The following CELSR2 variants were observed in gnomAD, a reference collection of about 807,000 sequenced individuals.
The protein encoded by CELSR2 is EGF-like protein 2.
A neutral mutation model predicts 251.6 loss-of-function variants in CELSR2; 81 were observed. That is an observed-to-expected ratio of 0.32 (90% CI 0.27 to 0.39). CELSR2 has a LOEUF of 0.39. CELSR2 is among the 10% of genes least tolerant of loss of function. CELSR2 has a pLI of 1.00. For missense variants in CELSR2, 3,365 were observed against 3,947.7 expected (o/e 0.85, Z 3.96); for synonymous variants, 1,721 against 1,670.5 (o/e 1.03, Z -0.74).
chr1:109,261,695 C>G lies in CELSR2; in HGVS notation c.4297+67C>G. The G allele has an allele frequency of 6.4e-7, 1 of 1,556,468 alleles. No homozygotes were observed. The highest frequency in any genetic ancestry group is 8.8e-7 in the Non-Finnish European group (1 of 1,130,434). Reference sequence around the variant, plus strand: ...CCCCAAGTCTTCCAGCCCCTGACCCCAAGCCACATACTCTATCAGCCAAAT... The same window carrying G: ...CCCCAAGTCTTCCAGCCCCTGACCCGAAGCCACATACTCTATCAGCCAAAT... On this transcript the variant is annotated intron_variant, in intron 4 of 33. Coordinates refer to ENST00000271332, the MANE Select transcript of CELSR2 (RefSeq NM_001408.3). This position sits in a 1 kb window ranked among gnomAD's most constrained non-coding sequence, Gnocchi z 4.8.
At chr1:109,258,058 A>AG (rs1367092076) in intron 1 of CELSR2, among the ~76,000 whole-genome samples, 3 of 152,010 alleles carry the variant, frequency 2.0e-5, no homozygotes, top group Non-Finnish European at 4.4e-5. Context: ...CTGAGGGGGC[A>AG]GGGGGATGAT....
chr1:109,270,464 G>A lies in CELSR2; in HGVS notation c.7347G>A (p.Leu2449=). Residue 2449 remains leucine, a synonymous_variant, in exon 24 of 34, where the codon CTG becomes CTA. Coordinates refer to ENST00000271332, the MANE Select transcript of CELSR2 (RefSeq NM_001408.3). ...TCATTGCCATCCTGCTGCACTTCCT[G>A]TACCTCTGCACCTTTTCCTGGGCTC... The part of the protein sequence containing the change: ...CTVIAILLHF[L]YLCTFSWALL... The A allele has an allele frequency of 6.2e-7, 1 of 1,614,212 alleles. No individual in the cohort carries two copies. The highest frequency in any genetic ancestry group is 8.5e-7 in the Non-Finnish European group (1 of 1,180,044).
At position 109,267,973 on chromosome 1, in the gene CELSR2, C is replaced by T; in HGVS notation, c.6231C>T (p.Ala2077=). The change falls in exon 17 of 34, where the codon GCC becomes GCT. Residue 2077 remains alanine, a synonymous_variant. Coordinates refer to ENST00000271332, the MANE Select transcript of CELSR2 (RefSeq NM_001408.3). ...ACTTCGGCAGCGACGTCAAGGTGGC[C>T]TACCAGCTGGCCACGCGGCTGCTGG... The part of the protein sequence containing the change: ...AGYFGSDVKV[A]YQLATRLLAH... 1 of 1,611,418 alleles carries T rather than the reference C, an allele frequency of 6.2e-7. No homozygotes were observed. Among genetic ancestry groups the T allele is most frequent in the South Asian group, 1.1e-5 (1 of 91,042 alleles).
chr1:109,266,299 C>T (rs372784626), intron 15 of CELSR2, 93 bp downstream of exon 15: 1 of 1,477,984 alleles, frequency 6.8e-7, no homozygotes. Flanking sequence ...GATCCGGGGA[C>T]CCCACTTTCT....
intron 24 of CELSR2, 162 bp from the exon 25 acceptor site, chr1:109,270,765 C>T (rs566766799): frequency 3.3e-5 from 34 of 1,026,178 alleles, no homozygotes; most frequent in Non-Finnish European, 4.2e-5. Flanking sequence ...CAGCCGCCAC[C>T]CAGGCGTCAC....
intron 5 of CELSR2, 144 bp downstream of exon 5, chr1:109,262,040 C>T (rs1033969669): frequency 2.8e-5 from 30 of 1,057,598 alleles, no homozygotes; most frequent in South Asian, 6.1e-5. Flanking sequence ...GAAGGTGCCA[C>T]CTTGCTGGGC....
At chr1:109,266,521 T>A (rs1656195215) in intron 15 of CELSR2, 1 of 204,754 alleles carries the variant, frequency 4.9e-6, no homozygotes, top group African/African-American at 2.3e-5. Flanking sequence ...TCAAGCAATT[T>A]TCCTGCCTAA....
In CELSR2 at chr1:109,250,358, G is replaced by T. The variant is rs746054404; in HGVS notation, c.279G>T (p.Trp93Cys). 1 of 1,613,518 alleles carries T rather than the reference G, an allele frequency of 6.2e-7. No individual in the cohort carries two copies. Among genetic ancestry groups the T allele is most frequent in the South Asian group, 1.1e-5 (1 of 91,088 alleles). The change falls in exon 1 of 34, where the codon TGG (tryptophan) becomes TGT (cysteine). Residue 93 changes from tryptophan to cysteine, a missense_variant. By Grantham distance (215) the Trp-to-Cys change is radical. Transcript: ENST00000271332. This position sits in a 1 kb window ranked among gnomAD's most constrained non-coding sequence, Gnocchi z 4.4. ...CCCACCACGATGGCCTGAGGGTTTG[G>T]TGTCCAGAATCCGAGGCCCATATTC... ...LVPHHDGLRV[W>C]CPESEAHIPL... is the part of the protein sequence containing the mutation.
chr1:109,257,379 C>T (rs1387155433), intron 1 of CELSR2, among the ~76,000 whole-genome samples: 2 of 150,960 alleles, frequency 1.3e-5, no homozygotes, highest in African/African-American at 4.9e-5. Flanking sequence ...ACTATCCCTT[C>T]TTGCCCTGTA....
chr1:109,257,757 G>A (rs1655898053), intron 1 of CELSR2, among the ~76,000 whole-genome samples: 1 of 152,212 alleles, frequency 6.6e-6, no homozygotes, highest in Admixed American at 6.5e-5. Context: ...TGGGGCAGTG[G>A]GTGATGATGT....
intron 15 of CELSR2, chr1:109,266,458 G>A: frequency 2.2e-6 from 1 of 451,612 alleles, no homozygotes; most frequent in Non-Finnish European, 3.9e-6. Context: ...CTGTCACCCA[G>A]GCTGGTGTGC....
intron 1 of CELSR2, among the ~76,000 whole-genome samples, chr1:109,257,030 C>T (rs1367295145): frequency 6.6e-6 from 1 of 152,198 alleles, no homozygotes; most frequent in Non-Finnish European, 1.5e-5. Context: ...TCAGTGTTTT[C>T]TGAACACCTA....
In CELSR2 at chr1:109,274,277, C is replaced by A; in HGVS notation, c.*228C>A. On this transcript the variant is annotated 3_prime_UTR_variant, in exon 34 of 34. Coordinates refer to ENST00000271332, the MANE Select transcript of CELSR2 (RefSeq NM_001408.3). ...CATTCCCCTCACTGCACTTTGGACCCCTGGGGCCAACATCTCCAAGACAAA... is the reference window on the plus strand; with the variant it reads ...CATTCCCCTCACTGCACTTTGGACCACTGGGGCCAACATCTCCAAGACAAA... The A allele has an allele frequency of 9.3e-7, 1 of 1,075,684 alleles. No homozygotes were observed. Among genetic ancestry groups the A allele is most frequent in the Non-Finnish European group, 1.3e-6 (1 of 786,288 alleles). 66.6% of individuals were successfully genotyped at this position (1,075,684 alleles called of 1,614,324 possible).
chr1:109,261,697 A>G lies in CELSR2; in HGVS notation c.4297+69A>G. 6.4e-7 allele frequency: 1 copy of G among 1,556,334 alleles called. No individual in the cohort carries two copies. Among genetic ancestry groups the G allele is most frequent in the Non-Finnish European group, 8.8e-7 (1 of 1,129,962 alleles). On this transcript the variant is annotated intron_variant, in intron 4 of 33. Coordinates refer to ENST00000271332, the MANE Select transcript of CELSR2 (RefSeq NM_001408.3). The surrounding 1 kb of genome is among the most constrained non-coding windows in gnomAD (Gnocchi z 4.8). ...CCAAGTCTTCCAGCCCCTGACCCCA[A>G]GCCACATACTCTATCAGCCAAATCT...
Position 109,251,685 on chromosome 1 carries a change from G to A in CELSR2, c.1606G>A (p.Asp536Asn). ...CCAGGCTATCGACGCTGATGCTGGT[G>A]ACAATGCCCGCCTGGAATACCGCCT... ...HVQAIDADAG[D>N]NARLEYRLAG... Residue 536 changes from aspartate (D) to asparagine (N), a missense_variant, in exon 1 of 34, where the codon GAC (aspartate) becomes AAC (asparagine). By Grantham distance (23) the Asp-to-Asn change is conservative. Coordinates refer to ENST00000271332, the MANE Select transcript of CELSR2 (RefSeq NM_001408.3). The surrounding 1 kb of genome is among the most constrained non-coding windows in gnomAD (Gnocchi z 4.9). 6.2e-7 allele frequency: 1 copy of A among 1,614,102 alleles called. No individual in the cohort carries two copies. Among genetic ancestry groups the A allele is most frequent in the Non-Finnish European group, 8.5e-7 (1 of 1,180,028 alleles).
Position 109,269,308 on chromosome 1 carries a change from AGGTGTGGGTAGGGGTATG to A in CELSR2, c.6812+22_6812+39del. On this transcript the variant is annotated intron_variant, in intron 20 of 33. Coordinates refer to ENST00000271332, the MANE Select transcript of CELSR2 (RefSeq NM_001408.3). The surrounding 1 kb of genome is among the most constrained non-coding windows in gnomAD (Gnocchi z 6.4). The stretch of plus-strand genomic sequence containing the variant: ...AGCTTGAGGTCAGCAGCTAGGGGAC[AGGTGTGGGTAGGGGTATG>A]GGTCGGGCGGTGAGTGCTGAGGCAT... The A allele has an allele frequency of 6.2e-7, 1 of 1,612,684 alleles. No homozygotes were observed. The highest frequency in any genetic ancestry group is 8.5e-7 in the Non-Finnish European group (1 of 1,179,810).
In CELSR2 at chr1:109,263,600, T is replaced by A; in HGVS notation, c.4835-11T>A. On this transcript the variant is annotated splice_polypyrimidine_tract_variant and intron_variant, in intron 8 of 33. Coordinates refer to ENST00000271332, the MANE Select transcript of CELSR2 (RefSeq NM_001408.3). ...CCACCCGTCACAGTCTGCCTTTTCC[T>A]GCCTCCCCAGAAATGGCCAATCCAC... The A allele has an allele frequency of 6.2e-7, 1 of 1,613,080 alleles. No individual in the cohort carries two copies. Among genetic ancestry groups the A allele is most frequent in the East Asian group, 2.2e-5 (1 of 44,876 alleles).
Position 109,269,816 on chromosome 1 carries a change from G to A in CELSR2, c.7103G>A (p.Arg2368Gln), listed in dbSNP as rs917316686. The A allele has an allele frequency of 2.5e-6, 4 of 1,612,542 alleles. No homozygotes were observed. Among genetic ancestry groups the A allele is most frequent in the Admixed American group, 1.7e-5 (1 of 59,998 alleles). ...SFAVLMDVSR[R>Q]ENGEILPLKT... is the part of the protein sequence containing the mutation. ...GCTGTGCTCATGGACGTTTCTCGGC[G>A]GGAGGTCGGGCCCACAGGGGCAGCT... Residue 2368 changes from arginine (R) to glutamine (Q), a missense_variant, in exon 22 of 34, where the codon CGG becomes CAG. Around this residue, in one of 5 missense-constraint regions of CELSR2, gnomAD observed 2,093 missense variants for 2,382.8 expected, o/e 0.88. Coordinates refer to ENST00000271332, the MANE Select transcript of CELSR2 (RefSeq NM_001408.3). This position sits in a 1 kb window ranked among gnomAD's most constrained non-coding sequence, Gnocchi z 6.4.
rs903007534 is a variant in CELSR2, at chr1:109,273,606, G to A, written c.8680G>A (p.Gly2894Arg). ...PRQSLQEQLN[G>R]VMPIAMSIKA... The stretch of plus-strand genomic sequence containing the variant: ...GCAGAGCCTCCAGGAGCAGCTGAAC[G>A]GGGTCATGCCCATCGCCATGAGCAT... Residue 2894 changes from glycine to arginine, a missense_variant, in exon 33 of 34, where the codon GGG (glycine) becomes AGG (arginine). Transcript: ENST00000271332. 5 of 1,546,300 alleles carry A rather than the reference G, an allele frequency of 3.2e-6. No individual in the cohort carries two copies. The highest frequency in any genetic ancestry group is 1.4e-5 in the African/African-American group (1 of 72,786).
Sources: gnomAD v4.1 joint callset for allele counts (sites outside exome capture counted in the v4.1 genomes callset) on GRCh38, gnomAD v4.1.1 for gene constraint, gnomAD v4.1.1 regional missense constraint, Gnocchi (gnomAD v3.1) non-coding constraint, MANE v1.5 for transcripts, NCBI Gene and HGNC (gene_info 2026-07-23, HGNC 2026-07-21) for gene names.